The following GLRB variants were observed in gnomAD, a reference collection of about 807,000 sequenced individuals.
GLRB encodes glycine receptor beta.
Under a neutral mutation model 54.2 loss-of-function variants are expected in GLRB, and 33 were observed. That is an observed-to-expected ratio of 0.61 (90% CI 0.46 to 0.81). GLRB has a LOEUF of 0.81. Ranked by LOEUF, GLRB falls within the 40% of genes least tolerant of loss-of-function variation. The pLI is 0.00. For missense variants in GLRB, 572 were observed against 584.6 expected, an observed-to-expected ratio of 0.98 and a Z score of 0.22; for synonymous variants, 209 against 208.2, an observed-to-expected ratio of 1.00 and a Z score of -0.03.
At chr4:157,161,857 C>T (rs1276751104) in intron 9 of GLRB, among the ~76,000 whole-genome samples, 4 of 152,068 alleles carry the variant, frequency 2.6e-5, no homozygotes, top group Admixed American at 6.6e-5. Flanking sequence ...CTCTGTATTT[C>T]CTGAATTTGA....
At chr4:157,123,952 G>A (rs1363688175) in intron 4 of GLRB, among the ~76,000 whole-genome samples, 3 of 151,702 alleles carry the variant, frequency 2.0e-5, no homozygotes, top group African/African-American at 7.2e-5. Flanking sequence ...CTTTGCATAT[G>A]TCATAGCTCA....
At chr4:157,082,639 T>C (rs62330453) in intron 2 of GLRB, among the ~76,000 whole-genome samples, 38,301 of 152,004 alleles carry the variant, frequency 0.25, 5,285 homozygotes, top group East Asian at 0.42. Context: ...ATTAGTGGAA[T>C]ACCTTCACCC....
intron 4 of GLRB, among the ~76,000 whole-genome samples, chr4:157,125,988 T>C (rs748175450): frequency 6.6e-6 from 1 of 151,910 alleles, no homozygotes; most frequent in South Asian, 2.1e-4. Context: ...CTTCAGCAGA[T>C]AGTGCTTATT....
intron 1 of GLRB, among the ~76,000 whole-genome samples, chr4:157,076,987 A>G (rs1343263480): frequency 4.0e-3 from 209 of 52,056 alleles, no homozygotes; most frequent in African/African-American, 6.4e-3. Flanking sequence ...GGGGGGGGGG[A>G]AGATGAAAAA....
In GLRB at chr4:157,078,078, A is replaced by T; in HGVS notation, c.54A>T (p.Glu18Asp). 1.2e-6 allele frequency: 2 copies of T among 1,610,748 alleles called. No homozygotes were observed. The highest frequency in any genetic ancestry group is 1.7e-6 in the Non-Finnish European group (2 of 1,177,196). ...AFLILISLWV[E>D]EAYSKEKSSK... The stretch of plus-strand genomic sequence containing the variant: ...TAATTTTAATTTCCTTGTGGGTGGA[A>T]GAAGCCTATTCTAAGGAAAAGTCTT... The change falls in exon 2 of 10, where the codon GAA becomes GAT. Residue 18 changes from glutamate (E) to aspartate (D), a missense_variant. Glu to Asp is a conservative substitution (Grantham distance 45). Transcript: ENST00000264428.
intron 9 of GLRB, among the ~76,000 whole-genome samples, chr4:157,155,017 A>G (rs1407468858): frequency 3.3e-5 from 5 of 152,218 alleles, no homozygotes; most frequent in African/African-American, 1.2e-4. Context: ...ATCAAATATA[A>G]TTTAGAAAAC....
intron 2 of GLRB, among the ~76,000 whole-genome samples, chr4:157,105,640 C>A (rs1341308948): frequency 6.6e-6 from 1 of 151,938 alleles, no homozygotes; most frequent in Non-Finnish European, 1.5e-5. Flanking sequence ...TATTGTATTG[C>A]AGCCTATTAC....
At chr4:157,085,523 A>G (rs1734377372) in intron 2 of GLRB, among the ~76,000 whole-genome samples, 1 of 152,040 alleles carries the variant, frequency 6.6e-6, no homozygotes, top group Non-Finnish European at 1.5e-5. Context: ...TGGAGATGGA[A>G]TCTCACTCTG....
At chr4:157,135,428 C>A (rs992031910) in intron 4 of GLRB, among the ~76,000 whole-genome samples, 1 of 151,984 alleles carries the variant, frequency 6.6e-6, no homozygotes, top group Admixed American at 6.6e-5. Context: ...TGGGAGGGAC[C>A]TGGTGGGAGA....
At chr4:157,109,017 T>C (rs1735324894) in intron 2 of GLRB, among the ~76,000 whole-genome samples, 1 of 152,128 alleles carries the variant, frequency 6.6e-6, no homozygotes, top group Non-Finnish European at 1.5e-5. Context: ...TTTAGTGATA[T>C]TTTAAAATTA....
intron 9 of GLRB, among the ~76,000 whole-genome samples, chr4:157,163,648 G>T (rs1240485084): frequency 6.6e-6 from 1 of 152,092 alleles, no homozygotes; most frequent in Non-Finnish European, 1.5e-5. Flanking sequence ...ATCGGAGGCT[G>T]TTGGGGTTTT....
intron 8 of GLRB, among the ~76,000 whole-genome samples, chr4:157,151,673 T>A (rs1239747478): frequency 6.6e-6 from 1 of 152,134 alleles, no homozygotes; most frequent in African/African-American, 2.4e-5. Context: ...TTTCAATGTT[T>A]AACTGATTAT....
At chr4:157,124,457 T>A (rs185889174) in intron 4 of GLRB, among the ~76,000 whole-genome samples, 89 of 151,984 alleles carry the variant, frequency 5.9e-4, no homozygotes, top group African/African-American at 1.4e-3. Flanking sequence ...TTAGCAATAA[T>A]GTATTCTACT....
chr4:157,086,100 C>T (rs999188615), intron 2 of GLRB, among the ~76,000 whole-genome samples: 12 of 152,074 alleles, frequency 7.9e-5, no homozygotes, highest in Non-Finnish European at 1.5e-4. Flanking sequence ...CCAAAGACTT[C>T]GCGTTACAGG....
At chr4:157,138,709 T>C in intron 6 of GLRB, 100 bp from the exon 7 acceptor site, 1 of 689,790 alleles carries the variant, frequency 1.4e-6, no homozygotes, top group South Asian at 1.9e-5. Flanking sequence ...GAAGGTCTTA[T>C]TTTCTTTCCT....
intron 9 of GLRB, among the ~76,000 whole-genome samples, chr4:157,157,497 C>G (rs192795353): frequency 3.3e-5 from 5 of 152,114 alleles, no homozygotes; most frequent in Non-Finnish European, 5.9e-5. Flanking sequence ...CCGCTCCCCC[C>G]ACCCCACGAC....
At chr4:157,082,648 C>T (rs1201391288) in intron 2 of GLRB, among the ~76,000 whole-genome samples, 1 of 151,968 alleles carries the variant, frequency 6.6e-6, no homozygotes, top group African/African-American at 2.4e-5. Flanking sequence ...ATACCTTCAC[C>T]CTGGATTATG....
chr4:157,138,939 T>C lies in GLRB; in HGVS notation c.741T>C (p.Tyr247=), dbSNP rs1479362009. Residue 247 remains tyrosine (Y), a synonymous_variant, in exon 7 of 10, where the codon TAT becomes TAC. Transcript: ENST00000264428. ...AATATGGTAACTGTACAAAATACTA[T>C]AAAGGCACGGGTAAGTAATATTCTT... is the stretch of plus-strand genomic sequence containing the variant. ...DIEYGNCTKY[Y]KGTGYYTCVE... is the part of the protein sequence containing the mutation. 31 of 1,428,940 alleles carry C rather than the reference T, an allele frequency of 2.2e-5. No homozygotes were observed. The highest frequency in any genetic ancestry group is 3.0e-5 in the Non-Finnish European group (30 of 1,012,918). The allele number at this position is 1,428,940 out of a possible 1,614,324, so 88.5% of individuals were successfully genotyped here.
intron 8 of GLRB, among the ~76,000 whole-genome samples, chr4:157,150,429 T>A (rs1028166650): frequency 2.6e-5 from 4 of 152,028 alleles, no homozygotes; most frequent in African/African-American, 9.7e-5. Context: ...TACTCCCCTT[T>A]TCCCTCCAAA....
Sources: gnomAD v4.1 joint callset for allele counts (sites outside exome capture counted in the v4.1 genomes callset) on GRCh38, gnomAD v4.1.1 for gene constraint, MANE v1.5 for transcripts, NCBI Gene and HGNC (gene_info 2026-07-23, HGNC 2026-07-21) for gene names.